The following PTPRN2 variants were observed in gnomAD, a reference collection of about 807,000 sequenced individuals.
PTPRN2 encodes the protein protein tyrosine phosphatase receptor type N2, also known as receptor-type tyrosine-protein phosphatase N2.
In PTPRN2, 74 loss-of-function variants were observed where a neutral mutation model predicts 118.8. The ratio of observed to expected loss-of-function variants is 0.62; its 90% CI spans 0.52 to 0.76. PTPRN2 has a LOEUF of 0.76. PTPRN2 is among the 30% of genes least tolerant of loss of function. The probability of loss-of-function intolerance (pLI) is 0.00; values close to 1 mark genes in which losing one functional copy is unlikely to be tolerated. For synonymous variants in PTPRN2, 641 were observed against 608.0 expected (o/e 1.05, Z -0.80); for missense variants, 1,481 against 1,394.4 (o/e 1.06, Z -0.99).
chr7:157,580,813 C>T (rs1585058875), intron 17 of PTPRN2, among the ~76,000 whole-genome samples: 1 of 126,892 alleles, frequency 7.9e-6, no homozygotes. Context: ...CCTGCACACC[C>T]CAGCACCTGC....
intron 11 of PTPRN2, among the ~76,000 whole-genome samples, chr7:158,070,919 G>A (rs1370150319): frequency 9.1e-5 from 12 of 131,682 alleles, no homozygotes; most frequent in South Asian, 5.2e-4. Context: ...TGCCCATGGT[G>A]CTGGAGGTGC....
chr7:158,001,132 G>A (rs62476601), intron 11 of PTPRN2, among the ~76,000 whole-genome samples: 48,674 of 74,672 alleles, frequency 0.65, 18,086 homozygotes, highest in East Asian at 0.89. Context: ...GGGTTTGGCC[G>A]CAGGTGGGGT....
At chr7:158,062,522 G>A (rs1203027552) in intron 11 of PTPRN2, among the ~76,000 whole-genome samples, 1 of 152,174 alleles carries the variant, frequency 6.6e-6, no homozygotes, top group East Asian at 1.9e-4. Flanking sequence ...CCCCTCTCTG[G>A]GCTGGCCAAG....
At chr7:157,706,781 T>C (rs1798355353) in intron 12 of PTPRN2, among the ~76,000 whole-genome samples, 1 of 151,644 alleles carries the variant, frequency 6.6e-6, no homozygotes, top group Non-Finnish European at 1.5e-5. Flanking sequence ...CCTTCCAGAA[T>C]GCTGGGAACT....
rs368894964 is a variant in PTPRN2 at position 157,935,216 on chromosome 7, A to G, written c.1724-36479T>C. ...GTGGGTAGGGTTGCTGGTTTTGAAT[A>G]TTAATTCTTCTTTTTTTGTGTCCCA... On this transcript the variant is annotated intron_variant, in intron 11 of 22. Coordinates refer to ENST00000389418, the MANE Select transcript of PTPRN2 (RefSeq NM_002847.5). 2.4e-4 allele frequency among the ~76,000 whole-genome samples: 36 copies of G among 152,240 alleles called. No individual in the cohort carries two copies. In the South Asian group the frequency reaches 7.5e-3, roughly 32 times the overall value.
intron 14 of PTPRN2, among the ~76,000 whole-genome samples, chr7:157,655,272 C>T (rs945562285): frequency 1.3e-5 from 2 of 152,202 alleles, no homozygotes; most frequent in African/African-American, 4.8e-5. Context: ...CTCAGTTTCC[C>T]CAAACGTCTG....
intron 12 of PTPRN2, among the ~76,000 whole-genome samples, chr7:157,896,396 C>G (rs541598440): frequency 6.6e-6 from 1 of 152,176 alleles, no homozygotes; most frequent in Non-Finnish European, 1.5e-5. Flanking sequence ...AAGAGCAGCT[C>G]TGTCCTGAAA....
At chr7:158,141,661 C>T (rs932341022) in intron 6 of PTPRN2, among the ~76,000 whole-genome samples, 1 of 152,182 alleles carries the variant, frequency 6.6e-6, no homozygotes, top group African/African-American at 2.4e-5. Flanking sequence ...TGAACACTCT[C>T]TGCTGCACCC....
At chr7:158,532,119 C>T (rs1825288022) in intron 1 of PTPRN2, among the ~76,000 whole-genome samples, 1 of 152,242 alleles carries the variant, frequency 6.6e-6, no homozygotes, top group African/African-American at 2.4e-5. Flanking sequence ...AGACTTTAAT[C>T]CTGCATTAAC....
intron 17 of PTPRN2, among the ~76,000 whole-genome samples, chr7:157,581,360 G>A (rs950696349): frequency 8.5e-5 from 13 of 152,218 alleles, no homozygotes; most frequent in Non-Finnish European, 5.9e-5. Flanking sequence ...CCCCCTTGAA[G>A]GCTCTAGCTG....
At chr7:158,385,592 T>C (rs561820410) in intron 2 of PTPRN2, among the ~76,000 whole-genome samples, 1 of 152,336 alleles carries the variant, frequency 6.6e-6, no homozygotes, top group South Asian at 2.1e-4. Context: ...TAATAATGCC[T>C]TAAGTCAACA....
intron 3 of PTPRN2, among the ~76,000 whole-genome samples, chr7:158,311,699 G>A (rs1801748241): frequency 6.6e-6 from 1 of 152,264 alleles, no homozygotes; most frequent in Admixed American, 6.5e-5. Context: ...TGCAAGAAGT[G>A]GCCTGGATGA....
chr7:158,458,661 G>A (rs1343947519), intron 2 of PTPRN2, among the ~76,000 whole-genome samples: 3 of 152,210 alleles, frequency 2.0e-5, no homozygotes, highest in African/African-American at 4.8e-5. Flanking sequence ...TGCACACCTC[G>A]GAGAGCTGAA....
chr7:158,432,493 C>T (rs572910922), intron 2 of PTPRN2, among the ~76,000 whole-genome samples: 1 of 152,318 alleles, frequency 6.6e-6, no homozygotes, highest in Admixed American at 6.5e-5. Flanking sequence ...CCCACCTCTA[C>T]CAGGGAAGGC....
chr7:158,059,657 G>T (rs56204223), intron 11 of PTPRN2, among the ~76,000 whole-genome samples: 8 of 56,398 alleles, frequency 1.4e-4, no homozygotes, highest in East Asian at 1.1e-3. Context: ...CCACGGTGAC[G>T]CATCACTGCA....
chr7:158,069,450 G>C (rs564050146), intron 11 of PTPRN2, among the ~76,000 whole-genome samples: 1 of 152,270 alleles, frequency 6.6e-6, no homozygotes, highest in African/African-American at 2.4e-5. Context: ...CTCCTGCCTT[G>C]GCCTCCCAAA....
At chr7:158,388,556 G>A (rs570516714) in intron 2 of PTPRN2, among the ~76,000 whole-genome samples, 1 of 152,332 alleles carries the variant, frequency 6.6e-6, no homozygotes, top group East Asian at 1.9e-4. Context: ...CCTGCCCTGG[G>A]TGCACCAGGC....
chr7:157,748,119 CTG>C (rs1801131248), intron 12 of PTPRN2, among the ~76,000 whole-genome samples: 4 of 143,874 alleles, frequency 2.8e-5, no homozygotes, highest in Admixed American at 7.2e-5. Flanking sequence ...CGTCCCTGAG[CTG>C]TCTGGTGTCT....
intron 2 of PTPRN2, among the ~76,000 whole-genome samples, chr7:158,442,756 C>T (rs1269097329): frequency 1.3e-5 from 2 of 152,172 alleles, no homozygotes; most frequent in Non-Finnish European, 2.9e-5. Flanking sequence ...CTCCTGTGTG[C>T]TTTAATTCTA....
Sources: allele counts gnomAD v4.1 joint callset (sites outside exome capture counted in the v4.1 genomes callset), GRCh38; gene constraint gnomAD v4.1.1; transcripts MANE v1.5; gene names NCBI Gene and HGNC (gene_info 2026-07-23, HGNC 2026-07-21).